LNX1: variants seen among roughly 807,000 people sequenced by gnomAD.
LNX1 encodes E3 ubiquitin-protein ligase LNX.
In LNX1, 54 loss-of-function variants were observed where a neutral mutation model predicts 68.4. That is an observed-to-expected ratio of 0.79 (90% CI 0.63 to 0.99). LNX1 has a LOEUF of 0.99. Among genes scored for constraint, LNX1 ranks in the 50% least tolerant of loss-of-function variants. The pLI is 0.00. For synonymous variants in LNX1, 336 were observed against 350.0 expected (o/e 0.96, Z 0.45); for missense variants, 906 against 926.4 (o/e 0.98, Z 0.29).
At chr4:53,649,467 G>A (rs774100371) in intron 1 of LNX1, among the ~76,000 whole-genome samples, 3 of 152,166 alleles carry the variant, frequency 2.0e-5, no homozygotes, top group Non-Finnish European at 2.9e-5. Flanking sequence ...TTTGAACTCC[G>A]GAAGTCTGGC....
At chr4:53,570,511 T>C (rs1274279586) in intron 2 of LNX1, among the ~76,000 whole-genome samples, 1 of 99,328 alleles carries the variant, frequency 1.0e-5, no homozygotes, top group Non-Finnish European at 1.9e-5. Context: ...CTGGGGACTG[T>C]TGTGGGGTGG....
chr4:53,583,362 T>A (rs78777611), intron 1 of LNX1, among the ~76,000 whole-genome samples: 241 of 152,296 alleles, frequency 1.6e-3, no homozygotes, highest in African/African-American at 5.6e-3. Context: ...TGTGTGTGCA[T>A]GATGGGGGGC....
upstream of LNX1, chr4:53,591,513 T>C (rs921152932): frequency 1.0e-6 from 1 of 985,238 alleles, no homozygotes; most frequent in African/African-American, 1.8e-5. Flanking sequence ...GGTGAACAGG[T>C]GCCTGGAGGA....
intron 1 of LNX1, among the ~76,000 whole-genome samples, chr4:53,635,166 G>A (rs1167453475): frequency 6.6e-6 from 1 of 152,052 alleles, no homozygotes; most frequent in African/African-American, 2.4e-5. Context: ...GTTCAGATAA[G>A]CCCCCGCTCC....
At chr4:53,537,854 C>T (rs1728482471) in intron 2 of LNX1, among the ~76,000 whole-genome samples, 1 of 152,258 alleles carries the variant, frequency 6.6e-6, no homozygotes, top group African/African-American at 2.4e-5. Context: ...GAAACACACT[C>T]TGGTCCAGCC....
chr4:53,543,424 T>C lies in LNX1; in HGVS notation c.380+30199A>G, dbSNP rs558715744. Among the ~76,000 whole-genome samples, 20 of 152,326 alleles carry C rather than the reference T, an allele frequency of 1.3e-4. 1 individual carries two copies. In the East Asian group the frequency reaches 3.7e-3, roughly 28 times the overall value. On this transcript the variant is annotated intron_variant, in intron 2 of 10. Transcript: ENST00000263925. ...TATGTCATACACATTTGATAAGTATTTGTTATTAAATTATACTCTTCCCAG... is the reference window on the plus strand; with the variant it reads ...TATGTCATACACATTTGATAAGTATCTGTTATTAAATTATACTCTTCCCAG...
chr4:53,606,127 C>A (rs1271428000), intron 2 of LNX1, among the ~76,000 whole-genome samples: 1 of 151,888 alleles, frequency 6.6e-6, no homozygotes, highest in Admixed American at 6.6e-5. Context: ...CTGGGAAAAA[C>A]CATACACAAA....
chr4:53,554,062 G>A (rs983349787), intron 2 of LNX1, among the ~76,000 whole-genome samples: 6 of 152,192 alleles, frequency 3.9e-5, no homozygotes, highest in African/African-American at 1.2e-4. Context: ...TATAGGAGAC[G>A]GATGACGTCC....
intron 8 of LNX1, among the ~76,000 whole-genome samples, chr4:53,478,295 A>G (rs1723693552): frequency 6.6e-6 from 1 of 152,186 alleles, no homozygotes; most frequent in Non-Finnish European, 1.5e-5. Context: ...TAATAGAGGT[A>G]ACTTGCTCAT....
At chr4:53,507,586 G>T in intron 3 of LNX1, 117 bp from the exon 4 acceptor site, 1 of 1,171,050 alleles carries the variant, frequency 8.5e-7, no homozygotes, top group South Asian at 1.4e-5. Context: ...CTGGGTGGTA[G>T]GATTGTAGAA....
chr4:53,588,483 G>T (rs923236496), intron 1 of LNX1, among the ~76,000 whole-genome samples: 1 of 152,168 alleles, frequency 6.6e-6, no homozygotes, highest in Admixed American at 6.5e-5. Flanking sequence ...CAGGTAGGCA[G>T]CCTGATGCCA....
intron 9 of LNX1, among the ~76,000 whole-genome samples, chr4:53,475,256 A>G (rs1394488140): frequency 6.6e-6 from 1 of 152,254 alleles, no homozygotes; most frequent in African/African-American, 2.4e-5. Context: ...AAAAAACAAA[A>G]TAATTTTAAT....
chr4:53,635,787 G>C (rs1734450041), intron 1 of LNX1, among the ~76,000 whole-genome samples: 1 of 152,166 alleles, frequency 6.6e-6, no homozygotes, highest in African/African-American at 2.4e-5. Flanking sequence ...TTTAATATCA[G>C]AGAGACTGTG....
intron 2 of LNX1, among the ~76,000 whole-genome samples, chr4:53,609,392 TA>T (rs1349381758): frequency 6.6e-6 from 1 of 151,648 alleles, no homozygotes; most frequent in Non-Finnish European, 1.5e-5. Flanking sequence ...CAATATGTTT[TA>T]ACCCATAAAC....
At chr4:53,553,682 G>A (rs1729679001) in intron 2 of LNX1, among the ~76,000 whole-genome samples, 1 of 152,156 alleles carries the variant, frequency 6.6e-6, no homozygotes, top group African/African-American at 2.4e-5. Flanking sequence ...GGGAAAGAAA[G>A]CACTGTCACT....
intron 2 of LNX1, among the ~76,000 whole-genome samples, chr4:53,533,271 C>A (rs2109626117): frequency 6.6e-6 from 1 of 152,318 alleles, no homozygotes; most frequent in South Asian, 2.1e-4. Context: ...TACAAAGGAA[C>A]CAGATTTGCC....
intron 2 of LNX1, among the ~76,000 whole-genome samples, chr4:53,568,016 C>T (rs1425974877): frequency 2.0e-5 from 3 of 152,032 alleles, no homozygotes; most frequent in African/African-American, 4.8e-5. Flanking sequence ...AGCTTACCAA[C>T]CAAAAGGAGT....
intron 2 of LNX1, among the ~76,000 whole-genome samples, chr4:53,551,834 C>A (rs1471159107): frequency 6.6e-6 from 1 of 152,116 alleles, no homozygotes; most frequent in African/African-American, 2.4e-5. Flanking sequence ...GCCTTATGAC[C>A]CTTGGTTAAA....
intron 9 of LNX1, among the ~76,000 whole-genome samples, chr4:53,472,531 A>C (rs2150573239): frequency 6.6e-6 from 1 of 152,176 alleles, no homozygotes; most frequent in Middle Eastern, 3.4e-3. Context: ...CCTAATAATA[A>C]AAAACAAAAA....
Sources: allele counts gnomAD v4.1 joint callset (sites outside exome capture counted in the v4.1 genomes callset), GRCh38; gene constraint gnomAD v4.1.1; transcripts MANE v1.5; gene names NCBI Gene and HGNC (gene_info 2026-07-23, HGNC 2026-07-21).